SESTD1: variants seen among roughly 807,000 people sequenced by gnomAD.
The protein encoded by SESTD1 is SEC14 and spectrin domain containing 1.
In SESTD1, 43 loss-of-function variants were observed where a neutral mutation model predicts 101.7. That is an observed-to-expected ratio of 0.42 (90% CI 0.33 to 0.55). The LOEUF (loss-of-function observed/expected upper bound fraction) is 0.55, where lower values mean the gene tolerates loss of function less well. Ranked by LOEUF, SESTD1 falls within the 20% of genes least tolerant of loss-of-function variation. SESTD1 has a pLI of 0.07. For missense variants in SESTD1, 647 were observed against 815.1 expected (o/e 0.79, Z 2.51); for synonymous variants, 283 against 286.8 (o/e 0.99, Z 0.13).
At chr2:179,126,596 A>G (rs1198317486) in intron 10 of SESTD1, among the ~76,000 whole-genome samples, 1 of 152,156 alleles carries the variant, frequency 6.6e-6, no homozygotes, top group Non-Finnish European at 1.5e-5. Context: ...CTTTAAATAT[A>G]TCTATAGGCT....
intron 1 of SESTD1, among the ~76,000 whole-genome samples, chr2:179,196,995 C>A (rs534779669): frequency 6.6e-6 from 1 of 152,026 alleles, no homozygotes. Flanking sequence ...AGGCTTCAGA[C>A]GATCAAATTT....
intron 6 of SESTD1, among the ~76,000 whole-genome samples, chr2:179,150,708 T>C (rs918714814): frequency 2.0e-5 from 3 of 152,010 alleles, no homozygotes; most frequent in African/African-American, 7.3e-5. Flanking sequence ...TAATCCCAGC[T>C]ACTCACGAGG....
chr2:179,229,130 C>T (rs1361940087), intron 1 of SESTD1, among the ~76,000 whole-genome samples: 2 of 152,156 alleles, frequency 1.3e-5, no homozygotes, highest in African/African-American at 2.4e-5. Flanking sequence ...CACGTGTTAA[C>T]TTGACTGGGC....
intron 10 of SESTD1, 65 bp from the exon 11 acceptor site, chr2:179,124,623 A>AAAATG: frequency 7.5e-7 from 1 of 1,333,270 alleles, no homozygotes; most frequent in Non-Finnish European, 1.0e-6. Context: ...ATTACATTTT[A>AAAATG]TAATTTCTCC....
At position 179,174,942 on chromosome 2, in the gene SESTD1, T is replaced by TAA. The variant is rs71401720; in HGVS notation, c.255+1504_255+1505dup. Among the ~76,000 whole-genome samples the TAA allele has an allele frequency of 1.0e-3, 133 of 130,848 alleles. 3 individuals carry two copies. The South Asian group carries it at 0.031, about 31-fold the overall frequency. 85.8% of individuals were successfully genotyped at this position (130,848 alleles called of 152,430 possible). On this transcript the variant is annotated intron_variant, in intron 4 of 17. Coordinates refer to ENST00000428443, the MANE Select transcript of SESTD1 (RefSeq NM_178123.5). ...TGAGTGACAAAGTGAGTCCCTGATA[T>TAA]AAAAAAAAAAAAAAAAAGGTGGGAT...
At position 179,205,135 on chromosome 2, in the gene SESTD1, T is replaced by C. The variant is rs1200954590; in HGVS notation, c.-25-13269A>G. ...CTCCTCTTTTAATCAGTGGAGAAAGTTGGTAGAAGCAGCAAAACTAAAATT... is the reference window on the plus strand; with the variant it reads ...CTCCTCTTTTAATCAGTGGAGAAAGCTGGTAGAAGCAGCAAAACTAAAATT... On this transcript the variant is annotated intron_variant, in intron 1 of 17. Coordinates refer to ENST00000428443, the MANE Select transcript of SESTD1 (RefSeq NM_178123.5). Among the ~76,000 whole-genome samples the C allele has an allele frequency of 3.7e-5, 5 of 133,850 alleles. 2 individuals are homozygous for C. The highest frequency in any genetic ancestry group is 8.9e-5 in the African/African-American group (3 of 33,806). The allele number at this position is 133,850 out of a possible 152,430, so 87.8% of individuals were successfully genotyped here.
intron 1 of SESTD1, among the ~76,000 whole-genome samples, chr2:179,196,665 G>A (rs1396792749): frequency 6.6e-6 from 1 of 152,142 alleles, no homozygotes; most frequent in East Asian, 1.9e-4. Flanking sequence ...CCCCCGAGCA[G>A]CCTAACTGGG....
intron 1 of SESTD1, among the ~76,000 whole-genome samples, chr2:179,237,556 G>C (rs192798011): frequency 2.0e-5 from 3 of 152,238 alleles, no homozygotes; most frequent in African/African-American, 4.8e-5. Context: ...CAAGCATACT[G>C]TCAGTGAACA....
intron 10 of SESTD1, among the ~76,000 whole-genome samples, chr2:179,128,758 A>C (rs912819281): frequency 4.6e-5 from 7 of 152,040 alleles, no homozygotes; most frequent in Admixed American, 6.6e-5. Context: ...AAAAAAAAAA[A>C]AACCCAGTAG....
At chr2:179,123,308 A>G (rs139112569) in intron 12 of SESTD1, among the ~76,000 whole-genome samples, 120 of 152,234 alleles carry the variant, frequency 7.9e-4, no homozygotes, top group Middle Eastern at 3.4e-3. Context: ...CAAACCAACT[A>G]TTTTTTCACA....
chr2:179,132,232 C>T, intron 10 of SESTD1, 72 bp downstream of exon 10: 15 of 1,443,658 alleles, frequency 1.0e-5, no homozygotes, highest in Non-Finnish European at 1.4e-5. Context: ...ACTTATCACT[C>T]AGTACCACAT....
At chr2:179,260,626 G>A (rs2047469873) in intron 1 of SESTD1, among the ~76,000 whole-genome samples, 1 of 152,200 alleles carries the variant, frequency 6.6e-6, no homozygotes, top group Non-Finnish European at 1.5e-5. Flanking sequence ...CTGTTCCAGA[G>A]CACAGAAAAA....
intron 1 of SESTD1, among the ~76,000 whole-genome samples, chr2:179,198,990 T>C (rs545755798): frequency 1.3e-5 from 2 of 152,002 alleles, no homozygotes; most frequent in East Asian, 1.9e-4. Context: ...ACACAAAAAA[T>C]CCTTCAAAAA....
chr2:179,214,790 C>A (rs2046696512), intron 1 of SESTD1, among the ~76,000 whole-genome samples: 1 of 135,434 alleles, frequency 7.4e-6, no homozygotes, highest in Non-Finnish European at 1.6e-5. Context: ...CAAACTGTCT[C>A]TCAGACCACA....
rs542030739 is a variant in SESTD1, at chr2:179,134,167, A to G, written c.850-1741T>C. Among the ~76,000 whole-genome samples, 9 of 152,040 alleles carry G rather than the reference A, an allele frequency of 5.9e-5. No homozygotes were observed. In the South Asian group the frequency reaches 1.9e-3, roughly 32 times the overall value. On this transcript the variant is annotated intron_variant, in intron 9 of 17. Coordinates refer to ENST00000428443, the MANE Select transcript of SESTD1 (RefSeq NM_178123.5). ...AATCCACCACAAATACCAAGGGACAACCATATTCTATTTCCTTCCATTAAT... is the reference window on the plus strand; with the variant it reads ...AATCCACCACAAATACCAAGGGACAGCCATATTCTATTTCCTTCCATTAAT...
Position 179,151,348 on chromosome 2 carries a change from G to C in SESTD1, c.413C>G (p.Pro138Arg). 1 of 1,606,916 alleles carries C rather than the reference G, an allele frequency of 6.2e-7. No individual in the cohort carries two copies. Among genetic ancestry groups the C allele is most frequent in the South Asian group, 1.1e-5 (1 of 89,356 alleles). The change falls in exon 6 of 18, where the codon CCA (proline) becomes CGA (arginine). Residue 138 changes from proline to arginine, a missense_variant. Physicochemically the swap from Pro to Arg is moderately radical, Grantham distance 103. Coordinates refer to ENST00000428443, the MANE Select transcript of SESTD1 (RefSeq NM_178123.5). ...ACCAAAATCTTCTGTTAATTGGCAT[G>C]GTTCTATATAACGAGTCAATTTGTT... is the stretch of plus-strand genomic sequence containing the variant. ...SANKLTRYIE[P>R]CQLTEDFGGS...
chr2:179,234,090 T>C (rs537914379), intron 1 of SESTD1, among the ~76,000 whole-genome samples: 3 of 152,312 alleles, frequency 2.0e-5, no homozygotes, highest in African/African-American at 2.4e-5. Context: ...ATCAAATCAG[T>C]TGAAAGCATG....
chr2:179,123,883 G>A (rs1027849648), intron 11 of SESTD1, 54 bp from the exon 12 acceptor site: 1 of 1,311,092 alleles, frequency 7.6e-7, no homozygotes, highest in African/African-American at 1.5e-5. Flanking sequence ...CATCTAAAGT[G>A]TTTAATGATT....
At chr2:179,158,950 C>T (rs560152396) in intron 5 of SESTD1, among the ~76,000 whole-genome samples, 7 of 152,284 alleles carry the variant, frequency 4.6e-5, no homozygotes, top group African/African-American at 1.7e-4. Context: ...TGTGATGAAA[C>T]ATCTCAGTTT....
Sources: allele counts gnomAD v4.1 joint callset (sites outside exome capture counted in the v4.1 genomes callset), GRCh38; gene constraint gnomAD v4.1.1; transcripts MANE v1.5; gene names NCBI Gene and HGNC (gene_info 2026-07-23, HGNC 2026-07-21).